DHX58: variants seen among roughly 807,000 people sequenced by gnomAD.
DHX58 encodes the protein DExH-box helicase 58, also known as ATP-dependent RNA helicase DHX58.
In DHX58, 51 loss-of-function variants were observed where a neutral mutation model predicts 65.0. The ratio of observed to expected loss-of-function variants is 0.78; its 90% CI spans 0.63 to 0.99. The LOEUF (loss-of-function observed/expected upper bound fraction) is 0.99. Among genes scored for constraint, DHX58 ranks in the 50% least tolerant of loss-of-function variants. DHX58 has a pLI of 0.00. For missense variants in DHX58, 773 were observed against 891.8 expected (o/e 0.87, Z 1.70); for synonymous variants, 350 against 365.0 (o/e 0.96, Z 0.47).
At chr17:42,104,683 C>T (rs909456531) in intron 11 of DHX58, 83 bp downstream of exon 11, 14 of 1,544,648 alleles carry the variant, frequency 9.1e-6, no homozygotes, top group Middle Eastern at 2.0e-4. Flanking sequence ...GACAGGGGGA[C>T]GTATGTGTGC....
At position 42,110,142 on chromosome 17, in the gene DHX58, A is replaced by G. The variant is rs571404743; in HGVS notation, c.561+581T>C. Among the ~76,000 whole-genome samples, 154 of 150,156 alleles carry G rather than the reference A, an allele frequency of 1.0e-3. 2 individuals are homozygous for G. The highest frequency in any genetic ancestry group is 1.7e-3 in the Non-Finnish European group (117 of 67,628). ...GCGGAGGTTGCAGGGAGCCGAAATC[A>G]TGCCACTGCCCTCCAGCCTGGGCGA... On this transcript the variant is annotated intron_variant, in intron 5 of 13. Coordinates refer to ENST00000251642, the MANE Select transcript of DHX58 (RefSeq NM_024119.3).
In DHX58 at chr17:42,107,815, G is replaced by A. The variant is rs782574447; in HGVS notation, c.806-20C>T. ...AAGCCGCTGCGGGAAGAGGGCGCAG[G>A]GTCTGAGCAGCCCACAGCCCCGCCC... On this transcript the variant is annotated intron_variant, in intron 7 of 13. Coordinates refer to ENST00000251642, the MANE Select transcript of DHX58 (RefSeq NM_024119.3). The A allele has an allele frequency of 2.8e-5, 44 of 1,553,650 alleles. No homozygotes were observed. Among genetic ancestry groups the A allele is most frequent in the Non-Finnish European group, 3.7e-5 (42 of 1,148,510 alleles).
In DHX58 at chr17:42,105,089, C is replaced by T. The variant is rs782707068; in HGVS notation, c.1330G>A (p.Gly444Arg). ...LLVATSVAEE[G>R]LDIPHCNVVV... The stretch of plus-strand genomic sequence containing the variant: ...ACATTGCAATGTGGGATGTCCAGCC[C>T]CTCCTCCGCCACACTCGTGGCCACC... The change falls in exon 10 of 14, where the codon GGG becomes AGG. Residue 444 changes from glycine (G) to arginine (R), a missense_variant. By Grantham distance (125) the Gly-to-Arg change is moderately radical. Transcript: ENST00000251642. 2 of 1,613,852 alleles carry T rather than the reference C, an allele frequency of 1.2e-6. No homozygotes were observed. Among genetic ancestry groups the T allele is most frequent in the Non-Finnish European group, 1.7e-6 (2 of 1,180,004 alleles).
Position 42,107,962 on chromosome 17 carries a change from A to G in DHX58, c.805+20T>C. ...CCACTCCCACATCCTCGCCTCCGCCAGAAGGGCTGCCCCTCTCACCAGCCT... is the reference window on the plus strand; with the variant it reads ...CCACTCCCACATCCTCGCCTCCGCCGGAAGGGCTGCCCCTCTCACCAGCCT... On this transcript the variant is annotated intron_variant, in intron 7 of 13. Transcript: ENST00000251642. 1 of 1,612,304 alleles carries G rather than the reference A, an allele frequency of 6.2e-7. No individual in the cohort carries two copies. Among genetic ancestry groups the G allele is most frequent in the Admixed American group, 1.7e-5 (1 of 59,882 alleles).
In DHX58 at chr17:42,107,745, G is replaced by A; in HGVS notation, c.856C>T (p.Arg286Cys). ...TGGATGAGCAGCGCGTCATTGTAGC[G>A]CCTCAGGTGAAGCGCATACACCCGT... Reference protein sequence around the residue: ...EQRVYALHLRRYNDALLIHDT... With the variant: ...EQRVYALHLRCYNDALLIHDT... The change falls in exon 8 of 14, where the codon CGC becomes TGC. Residue 286 changes from arginine to cysteine, a missense_variant. By Grantham distance (180) the Arg-to-Cys change is radical. Transcript: ENST00000251642. 1 of 1,602,282 alleles carries A rather than the reference G, an allele frequency of 6.2e-7. No homozygotes were observed.
chr17:42,112,132 T>C lies in DHX58; in HGVS notation c.-21A>G. ...ACTCACCTGCTCTAGTAGGTAGGTC[T>C]GCCCAGGGCAGTCCCACTTAACTCA... On this transcript the variant is annotated 5_prime_UTR_variant, in exon 2 of 14. Transcript: ENST00000251642. 4.5e-6 allele frequency: 2 copies of C among 442,518 alleles called. No homozygotes were observed. Among genetic ancestry groups the C allele is most frequent in the Admixed American group, 4.1e-5 (1 of 24,542 alleles). The allele number at this position is 442,518 out of a possible 1,614,324, so 27.4% of individuals were successfully genotyped here.
chr17:42,105,856 G>A lies in DHX58; in HGVS notation c.1131C>T (p.Arg377=). 6.2e-7 allele frequency: 1 copy of A among 1,614,042 alleles called. No individual in the cohort carries two copies. Among genetic ancestry groups the A allele is most frequent in the Non-Finnish European group, 8.5e-7 (1 of 1,180,022 alleles). The stretch of plus-strand genomic sequence containing the variant: ...AGAGCAGGAGGGAGTGTGCGCTTTG[G>A]CGGGTGCGGGTGAAGATGATACCCC... ...SPRGIIFTRT[R]QSAHSLLLWL... Residue 377 remains arginine (R), a synonymous_variant, in exon 9 of 14, where the codon CGC becomes CGT. Coordinates refer to ENST00000251642, the MANE Select transcript of DHX58 (RefSeq NM_024119.3).
chr17:42,106,001 C>T lies in DHX58; in HGVS notation c.998-12G>A, dbSNP rs377695111. The T allele has an allele frequency of 1.2e-6, 2 of 1,606,994 alleles. No individual in the cohort carries two copies. The highest frequency in any genetic ancestry group is 2.7e-5 in the African/African-American group (2 of 74,716). On this transcript the variant is annotated splice_polypyrimidine_tract_variant and intron_variant, in intron 8 of 13. Coordinates refer to ENST00000251642, the MANE Select transcript of DHX58 (RefSeq NM_024119.3). Reference sequence around the variant, plus strand: ...CTCATTCTTGCGGTCTGTCAAAAACCCCAAAATTTAGCTGGGTGTAGTGGC... The same window carrying T: ...CTCATTCTTGCGGTCTGTCAAAAACTCCAAAATTTAGCTGGGTGTAGTGGC...
Position 42,110,892 on chromosome 17 carries a change from T to G in DHX58, c.392A>C (p.Asp131Ala). Reference protein sequence around the residue: ...ELTVFSLIVVDECHHTHKDTV... With the variant: ...ELTVFSLIVVAECHHTHKDTV... Reference sequence around the variant, plus strand: ...GTCCTTGTGCGTGTGGTGGCACTCATCCACCACGATCAGGGAGAAGACTGA... The same window carrying G: ...GTCCTTGTGCGTGTGGTGGCACTCAGCCACCACGATCAGGGAGAAGACTGA... Residue 131 changes from aspartate (D) to alanine (A), a missense_variant, in exon 5 of 14, where the codon GAT (aspartate) becomes GCT (alanine). Transcript: ENST00000251642. 6.2e-7 allele frequency: 1 copy of G among 1,610,550 alleles called. No individual in the cohort carries two copies.
intron 6 of DHX58, among the ~76,000 whole-genome samples, 163 bp downstream of exon 6, chr17:42,109,107 T>C (rs1011039143): frequency 6.6e-6 from 1 of 152,232 alleles, no homozygotes; most frequent in Non-Finnish European, 1.5e-5. Flanking sequence ...GCTGTGGGCA[T>C]GGGCTGTATC....
chr17:42,102,557 GT>G, intron 12 of DHX58: 4 of 432,402 alleles, frequency 9.3e-6, no homozygotes, highest in South Asian at 3.5e-5. Flanking sequence ...CTCCTTATGG[GT>G]CTCTCTGCCT....
Position 42,107,585 on chromosome 17 carries a change from G to GCCCCCA in DHX58, c.997+18_997+19insTGGGGG. The GCCCCCA allele has an allele frequency of 5.0e-6, 6 of 1,193,340 alleles. No homozygotes were observed. Among genetic ancestry groups the GCCCCCA allele is most frequent in the East Asian group, 3.1e-5 (1 of 32,786 alleles). The allele number at this position is 1,193,340 out of a possible 1,614,324, so 73.9% of individuals were successfully genotyped here. On this transcript the variant is annotated intron_variant, in intron 8 of 13. Transcript: ENST00000251642. Reference sequence around the variant, plus strand: ...AGGTCCCATCATCCCCGGCCCCGAAGCCCCCTCCCGCCCCTCACCATCGAA... The same window carrying GCCCCCA: ...AGGTCCCATCATCCCCGGCCCCGAAGCCCCCACCCCCTCCCGCCCCTCACCATCGAA...
At chr17:42,108,977 A>G (rs564288833) in intron 6 of DHX58, among the ~76,000 whole-genome samples, 11 of 152,238 alleles carry the variant, frequency 7.2e-5, no homozygotes, top group Non-Finnish European at 1.5e-4. Flanking sequence ...TCCACACTAG[A>G]GAGGGCTCAG....
intron 6 of DHX58, among the ~76,000 whole-genome samples, chr17:42,108,958 G>A (rs782598508): frequency 9.9e-5 from 15 of 152,234 alleles, no homozygotes; most frequent in Admixed American, 2.0e-4. Context: ...TGGCAGACAC[G>A]AGGCCGTGTC....
At chr17:42,109,499 C>G in intron 5 of DHX58, 113 bp from the exon 6 acceptor site, 1 of 833,836 alleles carries the variant, frequency 1.2e-6, no homozygotes, top group Non-Finnish European at 1.9e-6. Flanking sequence ...CATTCGTCTA[C>G]TCAAATATTG....
intron 11 of DHX58, 31 bp downstream of exon 11, chr17:42,104,735 C>T: frequency 1.2e-6 from 2 of 1,610,660 alleles, no homozygotes; most frequent in Non-Finnish European, 1.7e-6. Context: ...CTCCCCATCC[C>T]TCCCACAGGG....
At position 42,101,547 on chromosome 17, in the gene DHX58, A is replaced by C. The variant is rs111776968; in HGVS notation, c.*214T>G. On this transcript the variant is annotated 3_prime_UTR_variant, in exon 14 of 14. Coordinates refer to ENST00000251642, the MANE Select transcript of DHX58 (RefSeq NM_024119.3). ...TCCCTAACTCCATCCAGTGCATATG[A>C]AAATGTCTATGTGCGTACAAGGTAG... 449 of 530,194 alleles carry C rather than the reference A, an allele frequency of 8.5e-4. 3 individuals carry two copies. The highest frequency in any genetic ancestry group is 7.7e-3 in the African/African-American group (401 of 52,396). 32.8% of individuals were successfully genotyped at this position (530,194 alleles called of 1,614,324 possible).
intron 9 of DHX58, 146 bp from the exon 10 acceptor site, chr17:42,105,313 C>T: frequency 1.8e-6 from 2 of 1,084,308 alleles, no homozygotes; most frequent in Non-Finnish European, 2.6e-6. Flanking sequence ...CATCTTTATC[C>T]CCAGGTACCC....
chr17:42,108,182 G>A (rs530383936), intron 6 of DHX58, 74 bp from the exon 7 acceptor site: 13 of 1,604,244 alleles, frequency 8.1e-6, no homozygotes, highest in South Asian at 4.4e-5. Context: ...TGCTGACCCC[G>A]GCGTGTAGCA....
Sources: gnomAD v4.1 joint callset for allele counts (sites outside exome capture counted in the v4.1 genomes callset) on GRCh38, gnomAD v4.1.1 for gene constraint, MANE v1.5 for transcripts, NCBI Gene and HGNC (gene_info 2026-07-23, HGNC 2026-07-21) for gene names.